Variants in GRM7 observed in about 807,000 individuals in gnomAD.
GRM7 encodes the protein metabotropic glutamate receptor 7.
A neutral mutation model predicts 84.5 loss-of-function variants in GRM7; 35 were observed. That is an observed-to-expected ratio of 0.41 (90% CI 0.32 to 0.55). The LOEUF (loss-of-function observed/expected upper bound fraction) is 0.55, where lower values mean the gene tolerates loss of function less well. GRM7 is among the 20% of genes least tolerant of loss of function. GRM7 has a pLI of 0.19. For missense variants in GRM7, 1,003 were observed against 1,194.6 expected (o/e 0.84, Z 2.36); for synonymous variants, 487 against 455.1 (o/e 1.07, Z -0.89).
At chr3:7,106,164 TAAA>T (rs1692628790) in intron 1 of GRM7, among the ~76,000 whole-genome samples, 1 of 151,964 alleles carries the variant, frequency 6.6e-6, no homozygotes, top group Non-Finnish European at 1.5e-5. Context: ...AAATAATATC[TAAA>T]AGAAAAATAT....
intron 9 of GRM7, among the ~76,000 whole-genome samples, chr3:7,682,728 C>G (rs1405482360): frequency 3.3e-5 from 5 of 152,156 alleles, no homozygotes; most frequent in African/African-American, 9.6e-5. Context: ...ACTACTGTTG[C>G]TATTTAATGA....
chr3:7,108,956 T>G (rs534364066), intron 1 of GRM7, among the ~76,000 whole-genome samples: 123 of 152,206 alleles, frequency 8.1e-4, no homozygotes, highest in Middle Eastern at 3.4e-3. Context: ...GTTTCAAAAT[T>G]TATTTTTTCC....
At chr3:7,190,270 C>G (rs1224508729) in intron 2 of GRM7, among the ~76,000 whole-genome samples, 1 of 152,048 alleles carries the variant, frequency 6.6e-6, no homozygotes, top group East Asian at 1.9e-4. Flanking sequence ...AGGCATTTGG[C>G]ATTCATTTTA....
At chr3:6,996,194 G>A (rs1461915433) in intron 1 of GRM7, among the ~76,000 whole-genome samples, 3 of 151,926 alleles carry the variant, frequency 2.0e-5, no homozygotes, top group Admixed American at 1.3e-4. Flanking sequence ...GACTACAGGC[G>A]CCCGCCACCA....
At chr3:7,595,417 T>C (rs1695990264) in intron 8 of GRM7, among the ~76,000 whole-genome samples, 1 of 152,232 alleles carries the variant, frequency 6.6e-6, no homozygotes, top group Non-Finnish European at 1.5e-5. Context: ...TCCTCTTTCT[T>C]GTTTTTGTCA....
intron 4 of GRM7, among the ~76,000 whole-genome samples, chr3:7,351,436 A>G (rs1049172264): frequency 9.3e-5 from 14 of 150,862 alleles, no homozygotes; most frequent in South Asian, 6.3e-4. Flanking sequence ...TTGCAGCCCT[A>G]TAAAAGCTGT....
chr3:7,547,238 A>T (rs574022869), intron 7 of GRM7, among the ~76,000 whole-genome samples: 2 of 113,894 alleles, frequency 1.8e-5, no homozygotes, highest in South Asian at 5.7e-4. Flanking sequence ...ACGGAGTCTC[A>T]CTCTGTCGCC....
intron 4 of GRM7, among the ~76,000 whole-genome samples, chr3:7,357,967 C>T (rs532054882): frequency 1.9e-4 from 29 of 152,208 alleles, no homozygotes; most frequent in African/African-American, 6.0e-4. Context: ...CAGTTACCTG[C>T]CTGGTCCCTG....
chr3:7,012,787 C>T (rs1695421153), intron 1 of GRM7, among the ~76,000 whole-genome samples: 1 of 152,178 alleles, frequency 6.6e-6, no homozygotes, highest in Admixed American at 6.5e-5. Context: ...TGTTACCCAG[C>T]TGGAGTGCAG....
chr3:7,629,712 G>C (rs1051223204), intron 8 of GRM7, among the ~76,000 whole-genome samples: 1 of 152,144 alleles, frequency 6.6e-6, no homozygotes, highest in Non-Finnish European at 1.5e-5. Flanking sequence ...AGAGCTTGCC[G>C]TCTAAAACCT....
intron 1 of GRM7, among the ~76,000 whole-genome samples, chr3:6,983,568 T>C (rs1694282607): frequency 6.6e-6 from 1 of 152,308 alleles, no homozygotes; most frequent in East Asian, 1.9e-4. Flanking sequence ...AATAATTTTC[T>C]TACATAAAAT....
At chr3:6,900,561 T>C (rs1171751188) in intron 1 of GRM7, among the ~76,000 whole-genome samples, 1 of 152,128 alleles carries the variant, frequency 6.6e-6, no homozygotes, top group Non-Finnish European at 1.5e-5. Context: ...AGGAGAGTAT[T>C]CTTGAAAAAA....
chr3:7,530,464 T>C (rs1187286052), intron 7 of GRM7, among the ~76,000 whole-genome samples: 2 of 152,190 alleles, frequency 1.3e-5, no homozygotes, highest in Admixed American at 6.5e-5. Context: ...TACTCAGCAA[T>C]GGGATTGCTG....
intron 1 of GRM7, among the ~76,000 whole-genome samples, chr3:6,897,732 GA>G (rs1400408193): frequency 6.6e-6 from 1 of 152,194 alleles, no homozygotes; most frequent in African/African-American, 2.4e-5. Context: ...AATGTATTAA[GA>G]AGTTCATCAA....
chr3:7,343,255 A>G (rs1302953124), intron 4 of GRM7, among the ~76,000 whole-genome samples: 4 of 152,014 alleles, frequency 2.6e-5, no homozygotes, highest in Admixed American at 1.3e-4. Flanking sequence ...TCTTTCTGAG[A>G]CAGTGTCTCA....
rs556486251 is a variant in GRM7 at position 7,585,954 on chromosome 3, C to T, written c.2451+6597C>T. 2.0e-5 allele frequency among the ~76,000 whole-genome samples: 3 copies of T among 152,240 alleles called. No individual in the cohort carries two copies. The East Asian group carries it at 5.8e-4, about 29-fold the overall frequency. ...GTGAATTCTTTCCAACTTCATTTAC[C>T]CTCTCTTCTTCTGGTCCTAGAAGCT... On this transcript the variant is annotated intron_variant, in intron 8 of 9. Coordinates refer to ENST00000357716, the MANE Select transcript of GRM7 (RefSeq NM_000844.4).
intron 1 of GRM7, among the ~76,000 whole-genome samples, chr3:6,952,451 A>G (rs968078320): frequency 6.6e-6 from 1 of 152,076 alleles, no homozygotes; most frequent in Non-Finnish European, 1.5e-5. Flanking sequence ...GTGCAGCTCT[A>G]TTATTTCTGG....
chr3:7,099,367 C>T (rs1455270836), intron 1 of GRM7, among the ~76,000 whole-genome samples: 2 of 145,316 alleles, frequency 1.4e-5, no homozygotes, highest in African/African-American at 5.0e-5. Context: ...CACATGTATA[C>T]ATATATACAT....
intron 7 of GRM7, among the ~76,000 whole-genome samples, chr3:7,505,903 T>A (rs1268928139): frequency 6.6e-6 from 1 of 152,220 alleles, no homozygotes; most frequent in African/African-American, 2.4e-5. Context: ...CTTTCTTTGA[T>A]CCATACTAAT....
Sources: gnomAD v4.1 joint callset for allele counts (sites outside exome capture counted in the v4.1 genomes callset) on GRCh38, gnomAD v4.1.1 for gene constraint, MANE v1.5 for transcripts, NCBI Gene and HGNC (gene_info 2026-07-23, HGNC 2026-07-21) for gene names.